SMAP1: variants seen among roughly 807,000 people sequenced by gnomAD.
SMAP1 encodes the protein small ArfGAP 1.
SMAP1 carries 24 observed loss-of-function variants against 58.5 expected under a neutral mutation model. The observed-to-expected ratio is 0.41, with a 90% confidence interval of 0.30 to 0.58. The LOEUF is 0.58. Among genes scored for constraint, SMAP1 ranks in the 20% least tolerant of loss-of-function variants. SMAP1 has a pLI of 0.29. For missense variants in SMAP1, 563 were observed against 566.3 expected (o/e 0.99, Z 0.06); for synonymous variants, 216 against 196.6 (o/e 1.10, Z -0.82).
intron 7 of SMAP1, among the ~76,000 whole-genome samples, chr6:70,846,798 C>T (rs1582301881): frequency 6.6e-6 from 1 of 152,172 alleles, no homozygotes; most frequent in African/African-American, 2.4e-5. Context: ...GAATGGGCAC[C>T]TGTTTCTGCC....
At chr6:70,810,279 G>C (rs1266998616) in intron 6 of SMAP1, among the ~76,000 whole-genome samples, 1 of 152,094 alleles carries the variant, frequency 6.6e-6, no homozygotes, top group African/African-American at 2.4e-5. Flanking sequence ...GACTAGCTGG[G>C]ACTGCAGGCA....
At chr6:70,736,412 T>C (rs1765620439) in intron 2 of SMAP1, among the ~76,000 whole-genome samples, 1 of 151,870 alleles carries the variant, frequency 6.6e-6, no homozygotes, top group Non-Finnish European at 1.5e-5. Flanking sequence ...CCCAAGATAT[T>C]ATACATTTGG....
chr6:70,803,066 GT>G (rs1768937520), intron 6 of SMAP1, among the ~76,000 whole-genome samples: 1 of 152,180 alleles, frequency 6.6e-6, no homozygotes, highest in Non-Finnish European at 1.5e-5. Flanking sequence ...GATTGGAATA[GT>G]TTCAGAAGGA....
intron 6 of SMAP1, among the ~76,000 whole-genome samples, chr6:70,802,736 A>G (rs539186076): frequency 1.0e-3 from 157 of 152,284 alleles, no homozygotes; most frequent in Middle Eastern, 6.8e-3. Context: ...ATTTTGTTGA[A>G]GGCCTTTTCT....
rs541214875 is a variant in SMAP1, at chr6:70,861,361, A to G, written c.*1027A>G. On this transcript the variant is annotated 3_prime_UTR_variant, in exon 11 of 11. Coordinates refer to ENST00000370455, the MANE Select transcript of SMAP1 (RefSeq NM_001044305.3). ...TAAGGGCAAATTGGAGAAAAAGAAA[A>G]AATATATACTCAAGAGTGGTATCTT... The G allele has an allele frequency of 5.9e-4, 152 of 259,674 alleles. No homozygotes were observed. Among genetic ancestry groups the G allele is most frequent in the African/African-American group, 3.2e-3 (149 of 46,154 alleles). The allele number at this position is 259,674 out of a possible 1,614,324, so 16.1% of individuals were successfully genotyped here.
Position 70,745,414 on chromosome 6 carries a change from C to A in SMAP1, c.253-9566C>A, listed in dbSNP as rs562726235. 2.6e-5 allele frequency among the ~76,000 whole-genome samples: 4 copies of A among 152,260 alleles called. No homozygotes were observed. The East Asian group carries it at 5.8e-4, about 22-fold the overall frequency. On this transcript the variant is annotated intron_variant, in intron 2 of 10. Transcript: ENST00000370455. ...TATGGCTAGCCAGTTTTCCCAGCAC[C>A]ATTTATTAAATAGGGAATCCTTTCC...
chr6:70,783,882 G>A (rs1305657891), intron 4 of SMAP1, among the ~76,000 whole-genome samples: 4 of 152,204 alleles, frequency 2.6e-5, no homozygotes, highest in Non-Finnish European at 5.9e-5. Flanking sequence ...CACTCTGCAG[G>A]ATATTATCCA....
At position 70,819,303 on chromosome 6, in the gene SMAP1, T is replaced by C. The variant is rs542002033; in HGVS notation, c.577-17638T>C. Reference sequence around the variant, plus strand: ...GATGAGCTGCCAGTGTTTTAAAAAATACCATGTTTTAATGATGTAAGGGTG... The same window carrying C: ...GATGAGCTGCCAGTGTTTTAAAAAACACCATGTTTTAATGATGTAAGGGTG... On this transcript the variant is annotated intron_variant, in intron 6 of 10. Transcript: ENST00000370455. Among the ~76,000 whole-genome samples, 11 of 146,348 alleles carry C rather than the reference T, an allele frequency of 7.5e-5. No homozygotes were observed. The South Asian group carries it at 2.2e-3, about 30-fold the overall frequency.
At chr6:70,731,631 T>C (rs972802220) in intron 1 of SMAP1, among the ~76,000 whole-genome samples, 28 of 152,268 alleles carry the variant, frequency 1.8e-4, no homozygotes, top group African/African-American at 6.8e-4. Context: ...GCTATTATTT[T>C]ACATATTTTT....
intron 1 of SMAP1, among the ~76,000 whole-genome samples, chr6:70,706,618 T>G (rs1323536916): frequency 6.6e-6 from 1 of 152,210 alleles, no homozygotes; most frequent in Non-Finnish European, 1.5e-5. Context: ...AATGTTTGCA[T>G]AATTAAAAAT....
intron 1 of SMAP1, among the ~76,000 whole-genome samples, chr6:70,682,215 G>T (rs1766746163): frequency 1.8e-5 from 2 of 111,754 alleles, no homozygotes; most frequent in African/African-American, 3.5e-5. Flanking sequence ...TTGAGATAGA[G>T]TCTCCCTCTG....
At chr6:70,783,971 G>C (rs1211909531) in intron 4 of SMAP1, among the ~76,000 whole-genome samples, 1 of 152,132 alleles carries the variant, frequency 6.6e-6, no homozygotes, top group Admixed American at 6.5e-5. Context: ...GATACTCCTC[G>C]AGAAGAGCAA....
intron 3 of SMAP1, among the ~76,000 whole-genome samples, chr6:70,763,130 T>TTTTTTAC (rs1554198497): frequency 7.2e-6 from 1 of 138,742 alleles, no homozygotes; most frequent in Non-Finnish European, 1.5e-5. Context: ...TTTTTTTTTT[T>TTTTTTAC]ACGAATTGAA....
chr6:70,739,324 A>G (rs1045417941), intron 2 of SMAP1, among the ~76,000 whole-genome samples: 1 of 152,160 alleles, frequency 6.6e-6, no homozygotes, highest in Admixed American at 6.5e-5. Flanking sequence ...TAAATAAAAT[A>G]TATAATTAAA....
chr6:70,812,446 T>G (rs1373934204), intron 6 of SMAP1, among the ~76,000 whole-genome samples: 1 of 152,208 alleles, frequency 6.6e-6, no homozygotes, highest in Non-Finnish European at 1.5e-5. Context: ...CATGTAGTCT[T>G]GAGCCACAGA....
At chr6:70,759,923 T>C in intron 3 of SMAP1, 1 of 424,166 alleles carries the variant, frequency 2.4e-6, no homozygotes, top group South Asian at 1.7e-5. Flanking sequence ...TTTATGTACA[T>C]TATCTTTTTT....
chr6:70,707,751 G>T (rs1582036843), intron 1 of SMAP1, among the ~76,000 whole-genome samples: 1 of 152,102 alleles, frequency 6.6e-6, no homozygotes, highest in South Asian at 2.1e-4. Flanking sequence ...GACTACAGGC[G>T]CATGCCACCA....
intron 5 of SMAP1, among the ~76,000 whole-genome samples, chr6:70,792,839 T>TG (rs1197583288): frequency 1.3e-5 from 2 of 151,776 alleles, no homozygotes; most frequent in African/African-American, 2.4e-5. Flanking sequence ...TTTTAAGCGT[T>TG]GGGGGGTGGG....
intron 5 of SMAP1, among the ~76,000 whole-genome samples, chr6:70,792,171 CGT>C (rs1290276531): frequency 6.6e-6 from 1 of 151,876 alleles, no homozygotes; most frequent in Non-Finnish European, 1.5e-5. Context: ...ACAGATAAAA[CGT>C]GTATTATGGG....
Sources: gnomAD v4.1 joint callset for allele counts (sites outside exome capture counted in the v4.1 genomes callset) on GRCh38, gnomAD v4.1.1 for gene constraint, MANE v1.5 for transcripts, NCBI Gene and HGNC (gene_info 2026-07-23, HGNC 2026-07-21) for gene names.